Variants in LYST observed in about 807,000 individuals in gnomAD.
The protein encoded by LYST is lysosomal-trafficking regulator.
In LYST, 192 loss-of-function variants were observed where a neutral mutation model predicts 413.6. That is an observed-to-expected ratio of 0.46 (90% confidence interval 0.41 to 0.52). LYST has a LOEUF of 0.52. LYST is among the 20% of genes least tolerant of loss of function. LYST has a pLI of 0.00. For synonymous variants in LYST, 1,525 were observed against 1,567.3 expected (o/e 0.97, Z 0.64); for missense variants, 3,815 against 4,499.9 (o/e 0.85, Z 4.35).
upstream of LYST, among the ~76,000 whole-genome samples, chr1:235,869,964 G>C (rs923321660): frequency 5.3e-5 from 8 of 152,066 alleles, no homozygotes; most frequent in African/African-American, 1.9e-4. Context: ...CATGGCTGCA[G>C]TTGTTAACTC....
chr1:235,784,648 C>T (rs985527357), intron 14 of LYST, among the ~76,000 whole-genome samples: 4 of 152,108 alleles, frequency 2.6e-5, no homozygotes, highest in Non-Finnish European at 5.9e-5. Flanking sequence ...TAATAATATA[C>T]CTACTTTATA....
At chr1:235,712,884 C>T (rs1329495580) in intron 42 of LYST, 1 of 985,218 alleles carries the variant, frequency 1.0e-6, no homozygotes, top group Non-Finnish European at 1.2e-6. Flanking sequence ...AATGATCAGA[C>T]TTTCTAGCCA....
Position 235,799,754 on chromosome 1 carries a change from T to C in LYST, c.4006+566A>G, listed in dbSNP as rs947171827. On this transcript the variant is annotated intron_variant, in intron 10 of 52. Coordinates refer to ENST00000389793, the MANE Select transcript of LYST (RefSeq NM_000081.4). ...CATTAGACTGGGTTACAGTCCCCAC[T>C]ATGCCACTTCTTTGTATAAGACCCT... Among the ~76,000 whole-genome samples the C allele has an allele frequency of 9.9e-5, 15 of 152,082 alleles. No homozygotes were observed. The South Asian group carries it at 3.1e-3, about 32-fold the overall frequency.
rs929873809 is a variant in LYST at position 235,755,471 on chromosome 1, C to G, written c.7229+7G>C. ...CCCAATTATAGTGGAGGGAAGAACA[C>G]ACTTACTCTTCATCAAGGCCAATAT... On this transcript the variant is annotated splice_region_variant and intron_variant, in intron 25 of 52. Transcript: ENST00000389793. 1 of 1,601,992 alleles carries G rather than the reference C, an allele frequency of 6.2e-7. No homozygotes were observed. Among genetic ancestry groups the G allele is most frequent in the African/African-American group, 1.4e-5 (1 of 73,728 alleles).
intron 3 of LYST, among the ~76,000 whole-genome samples, chr1:235,821,464 T>A (rs1276398922): frequency 6.6e-6 from 1 of 151,948 alleles, no homozygotes; most frequent in Non-Finnish European, 1.5e-5. Flanking sequence ...AAAAAAAAAA[T>A]TGGTTCTTCT....
chr1:235,782,161 T>C, intron 14 of LYST, 74 bp from the exon 15 acceptor site: 1 of 1,233,936 alleles, frequency 8.1e-7, no homozygotes, highest in South Asian at 1.3e-5. Flanking sequence ...AAAGTATGAA[T>C]ATTTAACAAT....
At chr1:235,844,750 G>C (rs1035836123) in intron 1 of LYST, among the ~76,000 whole-genome samples, 2 of 151,752 alleles carry the variant, frequency 1.3e-5, no homozygotes, top group Non-Finnish European at 2.9e-5. Flanking sequence ...GACACTGGTG[G>C]GGGGAAGGGG....
chr1:235,875,116 G>A (rs1483779270), intron 1 of LYST, among the ~76,000 whole-genome samples: 2 of 152,090 alleles, frequency 1.3e-5, no homozygotes, highest in African/African-American at 4.8e-5. Context: ...AGGGAACAGC[G>A]GGTATAAAGA....
In LYST at chr1:235,863,027, G is replaced by A. The variant is rs192927984; in HGVS notation, c.-98+3816C>T. Among the ~76,000 whole-genome samples, 306 of 152,232 alleles carry A rather than the reference G, an allele frequency of 2.0e-3. 1 individual carries two copies. The highest frequency in any genetic ancestry group is 3.7e-3 in the Non-Finnish European group (255 of 68,010). On this transcript the variant is annotated intron_variant, in intron 1 of 52. Coordinates refer to ENST00000389793, the MANE Select transcript of LYST (RefSeq NM_000081.4). The stretch of plus-strand genomic sequence containing the variant: ...TTTGACATTACAAAGTATTAAAAAT[G>A]AGTCATTTCCTTTGTAATTTTGCAA...
rs1334596557 is a variant in LYST, at chr1:235,746,327, T to C, written c.7972+9A>G. On this transcript the variant is annotated intron_variant, in intron 29 of 52. Transcript: ENST00000389793. ...TCTGAGGAAAAACAAACTAATCCTATAGTCTTACCTTGATAAATAATCCTG... is the reference window on the plus strand; with the variant it reads ...TCTGAGGAAAAACAAACTAATCCTACAGTCTTACCTTGATAAATAATCCTG... 1.2e-6 allele frequency: 2 copies of C among 1,610,530 alleles called. No individual in the cohort carries two copies. Among genetic ancestry groups the C allele is most frequent in the East Asian group, 4.5e-5 (2 of 44,862 alleles).
chr1:235,872,021 C>G (rs543543248), intron 1 of LYST, among the ~76,000 whole-genome samples: 1 of 152,260 alleles, frequency 6.6e-6, no homozygotes, highest in African/African-American at 2.4e-5. Flanking sequence ...TGGGGCCAAG[C>G]ACAGTGGTTC....
rs1671034688 is a variant in LYST, at chr1:235,791,870, G to A, written c.4372C>T (p.Leu1458=). ...LSSWHIAPVH[L]PLLGQNCWPH... is the part of the protein sequence containing the mutation. The stretch of plus-strand genomic sequence containing the variant: ...CAGCAGTTTTGCCCCAGCAACGGCA[G>A]GTGGACTGGGGCTATGTGCCAAGAT... Residue 1458 remains leucine (L), a synonymous_variant, in exon 12 of 53, where the codon CTG becomes TTG. Coordinates refer to ENST00000389793, the MANE Select transcript of LYST (RefSeq NM_000081.4). 6.2e-7 allele frequency: 1 copy of A among 1,614,072 alleles called. No individual in the cohort carries two copies. The highest frequency in any genetic ancestry group is 1.3e-5 in the African/African-American group (1 of 74,938).
chr1:235,880,413 G>GA (rs201810135), intron 1 of LYST, among the ~76,000 whole-genome samples: 9,362 of 152,256 alleles, frequency 0.061, 967 homozygotes, highest in African/African-American at 0.21. Flanking sequence ...CTAAGTCAAG[G>GA]ATCCTGTGTT....
intron 1 of LYST, among the ~76,000 whole-genome samples, chr1:235,876,547 A>C (rs924770476): frequency 2.0e-5 from 3 of 152,262 alleles, no homozygotes; most frequent in African/African-American, 7.2e-5. Context: ...ATCTGTAGCC[A>C]CATGGCTGAC....
At chr1:235,702,277 G>C (rs1661610647) in intron 45 of LYST, among the ~76,000 whole-genome samples, 1 of 152,106 alleles carries the variant, frequency 6.6e-6, no homozygotes, top group Non-Finnish European at 1.5e-5. Context: ...TACAACCTGA[G>C]GAGGCCAAAG....
chr1:235,828,888 C>T (rs1675627246), intron 3 of LYST: 1 of 888,880 alleles, frequency 1.1e-6, no homozygotes, highest in Non-Finnish European at 1.3e-6. Context: ...TTTAACAAAT[C>T]ACATTCATGA....
At chr1:235,693,892 A>G (rs1169209098) in intron 46 of LYST, among the ~76,000 whole-genome samples, 1 of 152,208 alleles carries the variant, frequency 6.6e-6, no homozygotes, top group Non-Finnish European at 1.5e-5. Flanking sequence ...GGAAGATAAC[A>G]CTGCTAGAGT....
intron 40 of LYST, among the ~76,000 whole-genome samples, chr1:235,719,607 C>T (rs1305778349): frequency 2.0e-5 from 3 of 146,398 alleles, no homozygotes; most frequent in Non-Finnish European, 4.5e-5. Context: ...AAGCTCACTC[C>T]TCTCAACCAT....
At chr1:235,789,388 G>A (rs1053871332) in intron 12 of LYST, among the ~76,000 whole-genome samples, 14 of 152,140 alleles carry the variant, frequency 9.2e-5, no homozygotes, top group African/African-American at 3.4e-4. Context: ...AAACTCTAAT[G>A]TTTCTTTAAG....
Sources: gnomAD v4.1 joint callset for allele counts (sites outside exome capture counted in the v4.1 genomes callset) on GRCh38, gnomAD v4.1.1 for gene constraint, MANE v1.5 for transcripts, NCBI Gene and HGNC (gene_info 2026-07-23, HGNC 2026-07-21) for gene names.